Variants in TMEM132D observed in about 807,000 individuals in gnomAD.
TMEM132D encodes transmembrane protein 132D, also known as mature OL transmembrane protein.
TMEM132D carries 21 observed loss-of-function variants against 62.3 expected under a neutral mutation model. That is an observed-to-expected ratio of 0.34 (90% CI 0.24 to 0.49). The LOEUF is 0.49. Ranked by LOEUF, TMEM132D falls within the 20% of genes least tolerant of loss-of-function variation. The pLI is 0.99. For missense variants in TMEM132D, 1,346 were observed against 1,402.8 expected, an observed-to-expected ratio of 0.96 and a Z score of 0.65; for synonymous variants, 621 against 575.6, an observed-to-expected ratio of 1.08 and a Z score of -1.13.
In TMEM132D at chr12:129,809,307, CAA is replaced by C. The variant is rs34039590; in HGVS notation, c.79+93952_79+93953del. ...TGGGCGACAGAGCGAGACTCCATAT[CAA>C]AAAAAAAAAAAAAAATTTTTTTTTG... On this transcript the variant is annotated intron_variant, in intron 1 of 8. Coordinates refer to ENST00000422113, the MANE Select transcript of TMEM132D (RefSeq NM_133448.3). 7.1e-3 allele frequency among the ~76,000 whole-genome samples: 981 copies of C among 137,942 alleles called. 7 individuals are homozygous for C. The highest frequency in any genetic ancestry group is 0.028 in the East Asian group (134 of 4,732). The allele number at this position is 137,942 out of a possible 152,430, so 90.5% of individuals were successfully genotyped here.
chr12:129,688,817 G>T (rs1880992832), intron 2 of TMEM132D, among the ~76,000 whole-genome samples: 1 of 152,140 alleles, frequency 6.6e-6, no homozygotes, highest in African/African-American at 2.4e-5. Flanking sequence ...TAATTTCCAA[G>T]AAAAAATTGA....
chr12:129,310,399 C>T (rs1171246985), intron 4 of TMEM132D, among the ~76,000 whole-genome samples: 1 of 152,158 alleles, frequency 6.6e-6, no homozygotes, highest in Admixed American at 6.5e-5. Context: ...CAATCCTTGG[C>T]CTGAGAGGGA....
At chr12:129,148,402 G>A (rs1003317447) in intron 5 of TMEM132D, among the ~76,000 whole-genome samples, 1 of 152,160 alleles carries the variant, frequency 6.6e-6, no homozygotes, top group Non-Finnish European at 1.5e-5. Context: ...GTAGCCCAAT[G>A]TCATCACAAG....
At chr12:129,358,388 C>A (rs1025702924) in intron 3 of TMEM132D, among the ~76,000 whole-genome samples, 3 of 152,078 alleles carry the variant, frequency 2.0e-5, no homozygotes, top group Admixed American at 1.3e-4. Flanking sequence ...AGGTGGTGGC[C>A]TGGGACTGGC....
At chr12:129,152,700 C>T (rs1428039638) in intron 5 of TMEM132D, among the ~76,000 whole-genome samples, 1 of 152,152 alleles carries the variant, frequency 6.6e-6, no homozygotes, top group African/African-American at 2.4e-5. Flanking sequence ...TTGTTTTGCT[C>T]TTCTGTAATT....
intron 2 of TMEM132D, among the ~76,000 whole-genome samples, chr12:129,671,833 A>C (rs2137200163): frequency 6.6e-6 from 1 of 152,322 alleles, no homozygotes; most frequent in South Asian, 2.1e-4. Context: ...AGAAAGGAAA[A>C]CGCAAGGCAG....
rs1421948565 is a variant in TMEM132D at position 129,277,504 on chromosome 12, TTGC to T, written c.1299+60127_1299+60129del. On this transcript the variant is annotated intron_variant, in intron 4 of 8. Transcript: ENST00000422113. This position sits in a 1 kb window ranked among gnomAD's most constrained non-coding sequence, Gnocchi z 4.2. The stretch of plus-strand genomic sequence containing the variant: ...TTTAAAATTCTTTATCCCTTACTCA[TTGC>T]TGCTATCAGGAATTTGAAAGAATTA... 3.3e-5 allele frequency among the ~76,000 whole-genome samples: 5 copies of T among 152,206 alleles called. No individual in the cohort carries two copies. The highest frequency in any genetic ancestry group is 1.2e-4 in the African/African-American group (5 of 41,460).
At chr12:129,500,903 G>T (rs1875120248) in intron 3 of TMEM132D, among the ~76,000 whole-genome samples, 1 of 152,154 alleles carries the variant, frequency 6.6e-6, no homozygotes, top group South Asian at 2.1e-4. Flanking sequence ...TTTTATGACG[G>T]ATTCCAGTGG....
At chr12:129,595,173 A>G (rs1013107288) in intron 2 of TMEM132D, among the ~76,000 whole-genome samples, 13 of 152,234 alleles carry the variant, frequency 8.5e-5, no homozygotes, top group Non-Finnish European at 4.4e-5. Context: ...ATTTAAACCT[A>G]TCATCCATTC....
chr12:129,524,258 G>GA (rs201071328), intron 3 of TMEM132D, among the ~76,000 whole-genome samples: 16 of 149,690 alleles, frequency 1.1e-4, no homozygotes, highest in Middle Eastern at 3.4e-3. Flanking sequence ...ATAAAAAGGT[G>GA]AAAAAAAAAG....
intron 4 of TMEM132D, among the ~76,000 whole-genome samples, chr12:129,252,583 A>T (rs546045109): frequency 6.6e-6 from 1 of 152,288 alleles, no homozygotes; most frequent in African/African-American, 2.4e-5. Context: ...ACGCTTTTAC[A>T]CTGTTGGTGG....
At position 129,478,504 on chromosome 12, in the gene TMEM132D, G is replaced by A. The variant is rs143221582; in HGVS notation, c.1115+52555C>T. Among the ~76,000 whole-genome samples, 372 of 152,268 alleles carry A rather than the reference G, an allele frequency of 2.4e-3. 1 individual carries two copies. The highest frequency in any genetic ancestry group is 8.6e-3 in the African/African-American group (359 of 41,540). ...GACTCAAGGAATAAAATTAAACAAG[G>A]CTGACTTTTAAATGGCCCTTGATTT... On this transcript the variant is annotated intron_variant, in intron 3 of 8. Coordinates refer to ENST00000422113, the MANE Select transcript of TMEM132D (RefSeq NM_133448.3).
At chr12:129,091,381 G>T (rs1043887614) in intron 5 of TMEM132D, among the ~76,000 whole-genome samples, 2 of 150,842 alleles carry the variant, frequency 1.3e-5, no homozygotes, top group African/African-American at 4.9e-5. Flanking sequence ...AGCTCACATG[G>T]TCTCTGGGGA....
In TMEM132D at chr12:129,349,920, G is replaced by A. The variant is rs139219618; in HGVS notation, c.1116-12103C>T. On this transcript the variant is annotated intron_variant, in intron 3 of 8. Transcript: ENST00000422113. ...ACATATCTTCAGCCCTAGGAATTCA[G>A]TACCACCTTCACTTGGCATGGAGGT... Among the ~76,000 whole-genome samples, 12 of 152,232 alleles carry A rather than the reference G, an allele frequency of 7.9e-5. No homozygotes were observed. In the East Asian group the frequency reaches 1.9e-3, roughly 25 times the overall value.
intron 4 of TMEM132D, among the ~76,000 whole-genome samples, chr12:129,236,143 T>G (rs1452589429): frequency 9.7e-6 from 1 of 103,386 alleles, no homozygotes; most frequent in Non-Finnish European, 2.0e-5. Flanking sequence ...TGTATGTGTG[T>G]ATGTGTGTGT....
intron 5 of TMEM132D, among the ~76,000 whole-genome samples, chr12:129,180,173 C>T (rs140818341): frequency 3.3e-5 from 5 of 152,102 alleles, no homozygotes; most frequent in East Asian, 1.9e-4. Context: ...CACAATTCAA[C>T]GGGTATCCAG....
At chr12:129,347,400 C>T (rs1368557298) in intron 3 of TMEM132D, among the ~76,000 whole-genome samples, 1 of 152,092 alleles carries the variant, frequency 6.6e-6, no homozygotes, top group Non-Finnish European at 1.5e-5. Flanking sequence ...TCTGAAATAA[C>T]ACCACACATC....
intron 5 of TMEM132D, among the ~76,000 whole-genome samples, chr12:129,091,622 G>C (rs1244142548): frequency 6.6e-6 from 1 of 151,178 alleles, no homozygotes. Context: ...CCTCACTTGG[G>C]CTCTGGGGTC....
intron 3 of TMEM132D, among the ~76,000 whole-genome samples, chr12:129,372,214 A>G (rs967009905): frequency 3.3e-5 from 5 of 152,176 alleles, no homozygotes; most frequent in Non-Finnish European, 2.9e-5. Flanking sequence ...CTTTACCCCA[A>G]TGAGACTGAC....
Sources: allele counts gnomAD v4.1 joint callset (sites outside exome capture counted in the v4.1 genomes callset), GRCh38; gene constraint gnomAD v4.1.1; non-coding constraint Gnocchi (gnomAD v3.1); transcripts MANE v1.5; gene names NCBI Gene and HGNC (gene_info 2026-07-23, HGNC 2026-07-21).